The following SHOC1 variants were observed in gnomAD, a reference collection of about 807,000 sequenced individuals.
SHOC1 encodes the protein protein shortage in chiasmata 1 ortholog.
SHOC1 carries 136 observed loss-of-function variants against 179.2 expected under a neutral mutation model. The ratio of observed to expected loss-of-function variants is 0.76; its 90% confidence interval spans 0.66 to 0.87. The LOEUF (loss-of-function observed/expected upper bound fraction) is 0.87, where lower values mean the gene tolerates loss of function less well. Ranked by LOEUF, SHOC1 falls within the 40% of genes least tolerant of loss-of-function variation. SHOC1 has a pLI of 0.00. For synonymous variants in SHOC1, 489 were observed against 586.6 expected (o/e 0.83, Z 2.41); for missense variants, 1,538 against 1,700.8 (o/e 0.90, Z 1.68).
Position 111,752,445 on chromosome 9 carries a change from T to A in SHOC1, c.862+3880A>T, listed in dbSNP as rs557855974. On this transcript the variant is annotated intron_variant, in intron 8 of 27. Transcript: ENST00000682961. ...GAGTTCAGCCAAGTTAACAGCCTAT[T>A]AAAACAAACAGAGAAAGTCGACTCT... Among the ~76,000 whole-genome samples the A allele has an allele frequency of 2.0e-5, 3 of 152,300 alleles. No homozygotes were observed. The East Asian group carries it at 5.8e-4, about 29-fold the overall frequency.
At position 111,738,310 on chromosome 9, in the gene SHOC1, A is replaced by C. The variant is rs1432616103; in HGVS notation, c.1387T>G (p.Phe463Val). 6.2e-7 allele frequency: 1 copy of C among 1,611,770 alleles called. No individual in the cohort carries two copies. The highest frequency in any genetic ancestry group is 1.7e-5 in the Admixed American group (1 of 59,768). The change falls in exon 12 of 28, where the codon TTT (phenylalanine) becomes GTT (valine). Residue 463 changes from phenylalanine (F) to valine (V), a missense_variant. Physicochemically the swap from Phe to Val is conservative, Grantham distance 50. Transcript: ENST00000682961. ...LSSNDTKIEI[F>V]LPTKVLQLES... ...AATTGAAGCACTTTCGTAGGCAAAA[A>C]TATCTCAATTTTAGTGTCATTAGAA...
chr9:111,707,825 T>C (rs764000937), intron 19 of SHOC1, 30 bp downstream of exon 19: 7 of 1,420,348 alleles, frequency 4.9e-6, no homozygotes, highest in Non-Finnish European at 5.8e-6. Flanking sequence ...GGTACGTTTG[T>C]TCCTCACAGA....
At chr9:111,715,001 G>T (rs1832721762) in intron 16 of SHOC1, among the ~76,000 whole-genome samples, 2 of 152,108 alleles carry the variant, frequency 1.3e-5, no homozygotes, top group Admixed American at 6.5e-5. Flanking sequence ...TACAACTTTT[G>T]TACTTGATAT....
At chr9:111,729,866 T>C (rs1833485550) in intron 12 of SHOC1, among the ~76,000 whole-genome samples, 1 of 140,598 alleles carries the variant, frequency 7.1e-6, no homozygotes, top group African/African-American at 2.7e-5. Flanking sequence ...CACTTCAGCC[T>C]GGTGAGAGTG....
At chr9:111,696,884 A>G (rs1258816999) in intron 24 of SHOC1, among the ~76,000 whole-genome samples, 3 of 152,238 alleles carry the variant, frequency 2.0e-5, no homozygotes, top group East Asian at 1.9e-4. Flanking sequence ...ATTTCTGTTT[A>G]GTATGCAGCA....
intron 14 of SHOC1, among the ~76,000 whole-genome samples, chr9:111,722,799 A>ATTAT (rs1464576420): frequency 2.6e-5 from 4 of 152,038 alleles, no homozygotes; most frequent in Non-Finnish European, 5.9e-5. Context: ...TTATGGCTAT[A>ATTAT]TTATTTATTT....
At position 111,714,546 on chromosome 9, in the gene SHOC1, T is replaced by C. The variant is rs747636104; in HGVS notation, c.2314A>G (p.Ile772Val). ...YLGDIWRQLE[I>V]VQFIRGKKPE... ...TTTTTCCCCCTAATAAACTGTACAA[T>C]CTCCAGCTGTCTCCAAATGTCACCC... Residue 772 changes from isoleucine to valine, a missense_variant, in exon 17 of 28, where the codon ATT becomes GTT. Transcript: ENST00000682961. The C allele has an allele frequency of 1.1e-5, 18 of 1,613,818 alleles. No homozygotes were observed. The Admixed American group carries it at 1.5e-4, about 13-fold the overall frequency.
chr9:111,763,928 A>C (rs1318907987), intron 5 of SHOC1, among the ~76,000 whole-genome samples: 1 of 152,160 alleles, frequency 6.6e-6, no homozygotes, highest in African/African-American at 2.4e-5. Flanking sequence ...AAAACAAAAC[A>C]AAAAAACAGA....
intron 11 of SHOC1, among the ~76,000 whole-genome samples, chr9:111,740,733 A>G (rs945709498): frequency 1.3e-4 from 20 of 152,014 alleles, no homozygotes; most frequent in Admixed American, 4.6e-4. Context: ...CACCATGCTC[A>G]GCTAATTTTT....
At chr9:111,783,600 T>C (rs1039437206) in intron 3 of SHOC1, 4 of 152,216 alleles carry the variant, frequency 2.6e-5, no homozygotes, top group African/African-American at 7.2e-5. Flanking sequence ...GTCCTAGGTC[T>C]TCTAATCTAT....
In SHOC1 at chr9:111,756,337, GCTTTTC is replaced by G; in HGVS notation, c.844_849del (p.Glu282_Lys283del). ...AATTAATTCTCACCTCTTTCAAAAA[GCTTTTC>G]CTTTTCATCTACATAGTTTATTATT... On this transcript the variant is annotated inframe_deletion, in exon 8 of 28. Coordinates refer to ENST00000682961, the MANE Select transcript of SHOC1 (RefSeq NM_001378211.1). 6.3e-7 allele frequency: 1 copy of G among 1,593,008 alleles called. No individual in the cohort carries two copies. Among genetic ancestry groups the G allele is most frequent in the Non-Finnish European group, 8.5e-7 (1 of 1,173,244 alleles).
In SHOC1 at chr9:111,705,363, T is replaced by A; in HGVS notation, c.2739A>T (p.Arg913Ser). The A allele has an allele frequency of 6.8e-7, 1 of 1,464,738 alleles. No homozygotes were observed. Among genetic ancestry groups the A allele is most frequent in the Non-Finnish European group, 9.1e-7 (1 of 1,096,624 alleles). 90.7% of individuals were successfully genotyped at this position (1,464,738 alleles called of 1,614,324 possible). ...KVILPDTVLE[R>S]STLLDRFGGF... ...CTCCAAATCTATCCAGCAAGGTGCT[T>A]CCTAAATAAGAGAAAATTTATAAAT... The change falls in exon 21 of 28, where the codon AGA becomes AGT. Residue 913 changes from arginine to serine, a missense_variant and splice_region_variant. Transcript: ENST00000682961.
chr9:111,694,807 T>C (rs1007040982), intron 24 of SHOC1, among the ~76,000 whole-genome samples: 9 of 152,096 alleles, frequency 5.9e-5, no homozygotes, highest in Admixed American at 5.2e-4. Context: ...AGGATACTTA[T>C]AAATGAATTT....
intron 25 of SHOC1, 94 bp from the exon 26 acceptor site, chr9:111,694,042 T>TCAAG: frequency 8.9e-7 from 1 of 1,119,098 alleles, no homozygotes; most frequent in Non-Finnish European, 1.3e-6. Context: ...AGAAAAGAGT[T>TCAAG]TAATAGTCAG....
intron 7 of SHOC1, among the ~76,000 whole-genome samples, chr9:111,757,498 A>T (rs1834921791): frequency 6.6e-6 from 1 of 152,246 alleles, no homozygotes; most frequent in African/African-American, 2.4e-5. Context: ...TTGCAATCGC[A>T]ATAGCTAGAA....
chr9:111,730,269 C>T (rs1833505733), intron 12 of SHOC1, among the ~76,000 whole-genome samples: 1 of 152,118 alleles, frequency 6.6e-6, no homozygotes, highest in African/African-American at 2.4e-5. Flanking sequence ...GGCCTCCTCC[C>T]AAGAATAAGG....
chr9:111,765,757 AGGCTAGAGTGCAGTG>A (rs1443251787), intron 5 of SHOC1, among the ~76,000 whole-genome samples: 1 of 151,940 alleles, frequency 6.6e-6, no homozygotes, highest in Non-Finnish European at 1.5e-5. Context: ...TCTGTCACCC[AGGCTAGAGTGCAGTG>A]GCACGATCTC....
chr9:111,705,344 A>G lies in SHOC1; in HGVS notation c.2758T>C (p.Phe920Leu). ...VLERSTLLDR[F>L]GGFLLEIQIP... ...TGAATTTCCAAAAGAAAACCTCCAAATCTATCCAGCAAGGTGCTTCCTAAA... is the reference window on the plus strand; with the variant it reads ...TGAATTTCCAAAAGAAAACCTCCAAGTCTATCCAGCAAGGTGCTTCCTAAA... The change falls in exon 21 of 28, where the codon TTT (phenylalanine) becomes CTT (leucine). Residue 920 changes from phenylalanine (F) to leucine (L), a missense_variant. Phe to Leu is a conservative substitution (Grantham distance 22). Transcript: ENST00000682961. The G allele has an allele frequency of 6.4e-7, 1 of 1,565,662 alleles. No homozygotes were observed. Among genetic ancestry groups the G allele is most frequent in the Non-Finnish European group, 8.7e-7 (1 of 1,155,506 alleles).
chr9:111,694,452 TAAAC>T, intron 24 of SHOC1, 90 bp from the exon 25 acceptor site: 1 of 889,106 alleles, frequency 1.1e-6, no homozygotes, highest in Non-Finnish European at 1.7e-6. Flanking sequence ...AAGATAAAAT[TAAAC>T]AACAGCAGAT....
Sources: gnomAD v4.1 joint callset for allele counts (sites outside exome capture counted in the v4.1 genomes callset) on GRCh38, gnomAD v4.1.1 for gene constraint, MANE v1.5 for transcripts, NCBI Gene and HGNC (gene_info 2026-07-23, HGNC 2026-07-21) for gene names.